NBPF15: variants seen among roughly 807,000 people sequenced by gnomAD.
NBPF15 encodes the protein NBPF family member NBPF15.
Under a neutral mutation model 62.2 loss-of-function variants are expected in NBPF15, and 74 were observed. The ratio of observed to expected loss-of-function variants is 1.19; its 90% confidence interval spans 0.99 to 1.44. The LOEUF is 1.44. Ranked by LOEUF, NBPF15 falls within the 40% of genes most tolerant of loss-of-function variation. The pLI, the probability that NBPF15 is intolerant of heterozygous loss-of-function variation, is 0.00. For missense variants in NBPF15, 790 were observed against 550.0 expected (o/e 1.44, Z -4.36); for synonymous variants, 244 against 209.7 (o/e 1.16, Z -1.41).
At chr1:144,444,867 G>T (rs1375439351) in intron 6 of NBPF15, among the ~76,000 whole-genome samples, 1 of 151,950 alleles carries the variant, frequency 6.6e-6, no homozygotes, top group Admixed American at 6.6e-5. Flanking sequence ...AGATCATTGT[G>T]CAGACACAGT....
intron 13 of NBPF15, among the ~76,000 whole-genome samples, chr1:144,430,110 A>G (rs1391416843): frequency 1.3e-5 from 2 of 151,070 alleles, no homozygotes; most frequent in African/African-American, 2.4e-5. Context: ...CAGGGCACCC[A>G]GACTCTCCCT....
At chr1:144,447,781 A>C (rs1571153572) in intron 6 of NBPF15, among the ~76,000 whole-genome samples, 2 of 152,216 alleles carry the variant, frequency 1.3e-5, no homozygotes, top group African/African-American at 4.8e-5. Flanking sequence ...TTGTATTATA[A>C]AGGGCTAGTT....
At chr1:144,432,751 G>T (rs1675369650) in intron 13 of NBPF15, among the ~76,000 whole-genome samples, 1 of 151,594 alleles carries the variant, frequency 6.6e-6, no homozygotes, top group African/African-American at 2.4e-5. Flanking sequence ...TTCAACAAGA[G>T]TTAACTATCC....
chr1:144,425,113 C>G (rs1553539052), intron 19 of NBPF15, among the ~76,000 whole-genome samples: 1 of 147,614 alleles, frequency 6.8e-6, no homozygotes, highest in Non-Finnish European at 1.5e-5. Context: ...CAGACACACA[C>G]ACACAGAGAG....
At chr1:144,458,859 T>C (rs1366444872) in intron 3 of NBPF15, among the ~76,000 whole-genome samples, 5 of 151,734 alleles carry the variant, frequency 3.3e-5, no homozygotes, top group African/African-American at 1.2e-4. Context: ...GGGAAACATG[T>C]TGAATCCCAA....
intron 4 of NBPF15, among the ~76,000 whole-genome samples, chr1:144,452,357 C>G (rs1427943805): frequency 6.6e-6 from 1 of 151,896 alleles, no homozygotes; most frequent in Non-Finnish European, 1.5e-5. Flanking sequence ...TATGTTCCCC[C>G]AAAAACCATC....
chr1:144,456,189 G>T (rs1341748911), intron 4 of NBPF15, among the ~76,000 whole-genome samples: 2 of 149,870 alleles, frequency 1.3e-5, no homozygotes, highest in Non-Finnish European at 3.0e-5. Context: ...GGTGAAAGGG[G>T]ACGGCAGGGT....
In NBPF15 at chr1:144,423,219, C is replaced by T. The variant is rs782299529; in HGVS notation, c.1807G>A (p.Val603Ile). 7.4e-6 allele frequency: 12 copies of T among 1,611,436 alleles called. No individual in the cohort carries two copies. The highest frequency in any genetic ancestry group is 1.1e-5 in the South Asian group (1 of 90,968). ...GVLMEVEEPE[V>I]LQDSLDRCYS... ...CATCTATCCAGTGAGTCCTGTAAGA[C>T]TTCAGGCTCTTCCACTTCCATCAGC... Residue 603 changes from valine (V) to isoleucine (I), a missense_variant, in exon 22 of 22, where the codon GTC becomes ATC. Transcript: ENST00000581897.
intron 11 of NBPF15, 55 bp from the exon 12 acceptor site, chr1:144,435,371 C>T (rs1677434520): frequency 1.5e-6 from 2 of 1,325,620 alleles, no homozygotes; most frequent in South Asian, 1.2e-5. Flanking sequence ...AGGGATTGGA[C>T]CCCAGGGAGT....
rs1192855532 is a variant in NBPF15, at chr1:144,422,981, G to A, written c.*32C>T. The A allele has an allele frequency of 1.1e-5, 18 of 1,611,532 alleles. 1 individual carries two copies. The South Asian group carries it at 1.4e-4, about 13-fold the overall frequency. On this transcript the variant is annotated 3_prime_UTR_variant, in exon 22 of 22. Transcript: ENST00000581897. ...CTCGTGCCTATAGGTCCTGCCTGCA[G>A]GAATGACATCTCTCGGCTTAGTAAG...
In NBPF15 at chr1:144,457,305, TCTCATCTA is replaced by T. The variant is rs1259928073; in HGVS notation, c.-700-508_-700-501del. ...GGGTGTAGTTAATGCTTCTTTGGAA[TCTCATCTA>T]CTGGTCTATCTGGTCTATCTGTACA... On this transcript the variant is annotated intron_variant, in intron 3 of 21. Transcript: ENST00000581897. Among the ~76,000 whole-genome samples, 52 of 152,180 alleles carry T rather than the reference TCTCATCTA, an allele frequency of 3.4e-4. 2 individuals are homozygous for T. The highest frequency in any genetic ancestry group is 6.8e-3 in the Middle Eastern group (2 of 294).
At chr1:144,424,941 C>A in intron 19 of NBPF15, 79 bp from the exon 20 acceptor site, 2 of 482,880 alleles carry the variant, frequency 4.1e-6, no homozygotes, top group Non-Finnish European at 7.2e-6. Context: ...TCATGGGTAG[C>A]ATAGGGAAGT....
intron 6 of NBPF15, among the ~76,000 whole-genome samples, chr1:144,441,679 T>A (rs1182394085): frequency 6.6e-6 from 1 of 150,516 alleles, no homozygotes; most frequent in East Asian, 1.9e-4. Context: ...AGTGCTACAG[T>A]ATCTAGTCTA....
At chr1:144,454,906 G>A (rs1553546494) in intron 4 of NBPF15, among the ~76,000 whole-genome samples, 3 of 150,302 alleles carry the variant, frequency 2.0e-5, no homozygotes, top group South Asian at 4.3e-4. Context: ...AGGGCTACAG[G>A]ACGAGCTCCC....
In NBPF15 at chr1:144,423,219, C is replaced by G; in HGVS notation, c.1807G>C (p.Val603Leu). 1 of 1,611,554 alleles carries G rather than the reference C, an allele frequency of 6.2e-7. No individual in the cohort carries two copies. Among genetic ancestry groups the G allele is most frequent in the Non-Finnish European group, 8.5e-7 (1 of 1,179,596 alleles). ...CATCTATCCAGTGAGTCCTGTAAGA[C>G]TTCAGGCTCTTCCACTTCCATCAGC... ...GVLMEVEEPEVLQDSLDRCYS... is the reference protein window; with the variant it reads ...GVLMEVEEPELLQDSLDRCYS... Residue 603 changes from valine to leucine, a missense_variant, in exon 22 of 22, where the codon GTC becomes CTC. By Grantham distance (32) the Val-to-Leu change is conservative. Transcript: ENST00000581897.
At chr1:144,431,977 G>A (rs1294613162) in intron 13 of NBPF15, among the ~76,000 whole-genome samples, 2 of 151,122 alleles carry the variant, frequency 1.3e-5, no homozygotes, top group African/African-American at 4.9e-5. Context: ...CTTTACAGCA[G>A]CATGATTTAT....
chr1:144,439,645 A>T (rs1418718850), intron 8 of NBPF15, among the ~76,000 whole-genome samples, 184 bp downstream of exon 8: 5 of 151,680 alleles, frequency 3.3e-5, no homozygotes, highest in African/African-American at 1.2e-4. Flanking sequence ...GCAAACATGG[A>T]AAGTTGCTAA....
chr1:144,427,235 A>T (rs1161419191), intron 16 of NBPF15, 137 bp from the exon 17 acceptor site: 2 of 671,474 alleles, frequency 3.0e-6, no homozygotes, highest in South Asian at 3.4e-5. Context: ...ATTCTTCAAG[A>T]GGCCTGAAGG....
chr1:144,428,215 A>T (rs78740686), intron 15 of NBPF15, among the ~76,000 whole-genome samples: 172 of 142,884 alleles, frequency 1.2e-3, no homozygotes, highest in African/African-American at 3.8e-3. Context: ...ACACACACAG[A>T]GCGAGCTCAG....
Sources: gnomAD v4.1 joint callset for allele counts (sites outside exome capture counted in the v4.1 genomes callset) on GRCh38, gnomAD v4.1.1 for gene constraint, MANE v1.5 for transcripts, NCBI Gene and HGNC (gene_info 2026-07-23, HGNC 2026-07-21) for gene names.